The following FAM227B variants were observed in gnomAD, a reference collection of about 807,000 sequenced individuals.
FAM227B encodes the protein family with sequence similarity 227 member B.
Under a neutral mutation model 73.8 loss-of-function variants are expected in FAM227B, and 88 were observed. The observed-to-expected ratio is 1.19, with a 90% CI of 1.00 to 1.42. The LOEUF (loss-of-function observed/expected upper bound fraction) is 1.42. FAM227B is among the 40% of genes most tolerant of loss of function. The pLI is 0.00. For synonymous variants in FAM227B, 210 were observed against 190.5 expected, an observed-to-expected ratio of 1.10 and a Z score of -0.84; for missense variants, 632 against 590.9, an observed-to-expected ratio of 1.07 and a Z score of -0.72.
In FAM227B at chr15:49,550,771, G is replaced by A. The variant is rs541170237; in HGVS notation, c.748-8965C>T. Among the ~76,000 whole-genome samples, 142 of 151,222 alleles carry A rather than the reference G, an allele frequency of 9.4e-4. 5 individuals are homozygous for A. In the South Asian group the frequency reaches 0.027, roughly 28 times the overall value. Reference sequence around the variant, plus strand: ...TCACTTCCTAGATGGGATGGCGGCCGGGCAGAGACACTCCTCACTTTCCAG... The same window carrying A: ...TCACTTCCTAGATGGGATGGCGGCCAGGCAGAGACACTCCTCACTTTCCAG... On this transcript the variant is annotated intron_variant, in intron 9 of 15. Transcript: ENST00000299338.
chr15:49,358,074 G>C (rs1304635628), intron 13 of FAM227B, among the ~76,000 whole-genome samples: 3 of 151,982 alleles, frequency 2.0e-5, no homozygotes, highest in Non-Finnish European at 4.4e-5. Context: ...ATTAGGTATT[G>C]ATGGGACGTA....
intron 3 of FAM227B, among the ~76,000 whole-genome samples, chr15:49,600,940 G>C (rs1217123220): frequency 6.7e-6 from 1 of 149,940 alleles, no homozygotes; most frequent in African/African-American, 2.5e-5. Context: ...TACACCGGAG[G>C]CTGAAGCAGG....
rs779561225 is a variant in FAM227B, at chr15:49,328,603, TTGATGATGG to T, written c.1483_1491del (p.Pro495_Ser497del). 5.6e-6 allele frequency: 9 copies of T among 1,594,720 alleles called. No individual in the cohort carries two copies. In the East Asian group the frequency reaches 1.8e-4, roughly 32 times the overall value. On this transcript the variant is annotated inframe_deletion, in exon 16 of 16. Coordinates refer to ENST00000299338, the MANE Select transcript of FAM227B (RefSeq NM_152647.3). Reference sequence around the variant, plus strand: ...TCTTCCTCAAAGTTGTAGTTGTCTGTTGATGATGGTGATGATGATGATGATGACGATAGT... The same window carrying T: ...TCTTCCTCAAAGTTGTAGTTGTCTGTTGATGATGATGATGATGACGATAGT...
chr15:49,502,044 T>C (rs1422916200), intron 11 of FAM227B, among the ~76,000 whole-genome samples: 1 of 152,216 alleles, frequency 6.6e-6, no homozygotes, highest in Admixed American at 6.5e-5. Flanking sequence ...GTGAAGATCA[T>C]TTTGCAGCCT....
At chr15:49,583,263 G>T (rs1010014339) in intron 5 of FAM227B, among the ~76,000 whole-genome samples, 4 of 149,762 alleles carry the variant, frequency 2.7e-5, no homozygotes, top group African/African-American at 4.9e-5. Flanking sequence ...AAACAGAGAA[G>T]AATCAAATAA....
chr15:49,608,203 C>T (rs1452796119), intron 3 of FAM227B, among the ~76,000 whole-genome samples: 6 of 152,056 alleles, frequency 3.9e-5, no homozygotes, highest in Non-Finnish European at 2.9e-5. Context: ...TACATTATAG[C>T]GCTGTGGTCC....
At chr15:49,417,612 A>C (rs1192434645) in intron 11 of FAM227B, among the ~76,000 whole-genome samples, 1 of 152,218 alleles carries the variant, frequency 6.6e-6, no homozygotes, top group Non-Finnish European at 1.5e-5. Flanking sequence ...ATAACTGGCT[A>C]GTCATATGAA....
intron 9 of FAM227B, among the ~76,000 whole-genome samples, chr15:49,544,172 C>G (rs1019865141): frequency 2.6e-5 from 4 of 152,094 alleles, no homozygotes; most frequent in African/African-American, 9.7e-5. Context: ...TTTGTTTCAG[C>G]AGTGTTTTAT....
At chr15:49,514,218 C>T (rs763550631) in intron 10 of FAM227B, among the ~76,000 whole-genome samples, 3 of 152,090 alleles carry the variant, frequency 2.0e-5, no homozygotes, top group Non-Finnish European at 4.4e-5. Flanking sequence ...ATTGATTTTT[C>T]CTATCCATGA....
At chr15:49,504,328 T>C (rs1461111757) in intron 11 of FAM227B, among the ~76,000 whole-genome samples, 3 of 150,596 alleles carry the variant, frequency 2.0e-5, no homozygotes, top group African/African-American at 4.9e-5. Flanking sequence ...CCAATGTAAA[T>C]GACGAGTTAA....
intron 10 of FAM227B, among the ~76,000 whole-genome samples, chr15:49,515,825 C>T (rs1321697519): frequency 2.6e-5 from 4 of 152,122 alleles, no homozygotes; most frequent in Admixed American, 6.6e-5. Flanking sequence ...TATTTTTATA[C>T]ACTACTTTCC....
intron 3 of FAM227B, among the ~76,000 whole-genome samples, chr15:49,590,707 G>C (rs2076471684): frequency 6.6e-6 from 1 of 152,048 alleles, no homozygotes; most frequent in Admixed American, 6.6e-5. Flanking sequence ...TACTCTATTA[G>C]CAATTTTCAA....
At chr15:49,545,148 A>AT (rs1032711242) in intron 9 of FAM227B, among the ~76,000 whole-genome samples, 2 of 151,564 alleles carry the variant, frequency 1.3e-5, no homozygotes, top group South Asian at 2.1e-4. Flanking sequence ...TTTTTTGGCA[A>AT]TTTTTTTATT....
chr15:49,420,214 A>G (rs776289796), intron 11 of FAM227B, among the ~76,000 whole-genome samples: 8 of 152,160 alleles, frequency 5.3e-5, no homozygotes, highest in Admixed American at 5.2e-4. Context: ...AAAATGACAT[A>G]TTTTGTCTTT....
chr15:49,605,570 G>C (rs1204975055), intron 3 of FAM227B, among the ~76,000 whole-genome samples: 1 of 151,776 alleles, frequency 6.6e-6, no homozygotes, highest in Non-Finnish European at 1.5e-5. Context: ...CTGGTTCCTG[G>C]ACTTGTGGGG....
At chr15:49,522,674 G>A (rs2059873514) in intron 10 of FAM227B, among the ~76,000 whole-genome samples, 1 of 151,928 alleles carries the variant, frequency 6.6e-6, no homozygotes, top group East Asian at 1.9e-4. Context: ...AGACCAAGTA[G>A]AAGAAAAAAA....
In FAM227B at chr15:49,479,680, C is replaced by T. The variant is rs1422230242; in HGVS notation, c.1012+28531G>A. 4.2e-5 allele frequency among the ~76,000 whole-genome samples: 5 copies of T among 119,292 alleles called. No individual in the cohort carries two copies. In the Admixed American group the frequency reaches 5.8e-4, roughly 14 times the overall value. 78.3% of individuals were successfully genotyped at this position (119,292 alleles called of 152,430 possible). Reference sequence around the variant, plus strand: ...CCAGGCTGGAGTGCAATGGTGAAATCTCGGCTCACTGCAACCTCCGCCTCC... The same window carrying T: ...CCAGGCTGGAGTGCAATGGTGAAATTTCGGCTCACTGCAACCTCCGCCTCC... On this transcript the variant is annotated intron_variant, in intron 11 of 15. Coordinates refer to ENST00000299338, the MANE Select transcript of FAM227B (RefSeq NM_152647.3).
At chr15:49,331,143 C>G (rs2038652905) in intron 15 of FAM227B, 1 of 152,238 alleles carries the variant, frequency 6.6e-6, no homozygotes, top group Non-Finnish European at 1.5e-5. Flanking sequence ...TGAATGGAAG[C>G]CTTGACATGC....
Position 49,541,698 on chromosome 15 carries a change from T to C in FAM227B, c.856A>G (p.Ile286Val), listed in dbSNP as rs1170034019. Residue 286 changes from isoleucine to valine, a missense_variant, in exon 10 of 16, where the codon ATT becomes GTT. Ile to Val is a conservative substitution (Grantham distance 29). Transcript: ENST00000299338. ...DEFKEDLGNN[I>V]FLWCSGLKPQ... is the part of the protein sequence containing the mutation. ...TTCATACCTGAACACCAAAGAAAAA[T>C]GTTATTCCCTAGATCTTCTTTAAAT... is the stretch of plus-strand genomic sequence containing the variant. 5 of 1,506,360 alleles carry C rather than the reference T, an allele frequency of 3.3e-6. No individual in the cohort carries two copies. Among genetic ancestry groups the C allele is most frequent in the Non-Finnish European group, 4.4e-6 (5 of 1,130,564 alleles). The allele number at this position is 1,506,360 out of a possible 1,614,324, so 93.3% of individuals were successfully genotyped here.
Sources: gnomAD v4.1 joint callset for allele counts (sites outside exome capture counted in the v4.1 genomes callset) on GRCh38, gnomAD v4.1.1 for gene constraint, MANE v1.5 for transcripts, NCBI Gene and HGNC (gene_info 2026-07-23, HGNC 2026-07-21) for gene names.